CDH12: variants seen among roughly 807,000 people sequenced by gnomAD.
The protein encoded by CDH12 is cadherin-12.
CDH12 carries 41 observed loss-of-function variants against 74.1 expected under a neutral mutation model. That is an observed-to-expected ratio of 0.55 (90% CI 0.43 to 0.72). CDH12 has a LOEUF of 0.72. Among genes scored for constraint, CDH12 ranks in the 30% least tolerant of loss-of-function variants. The probability of loss-of-function intolerance (pLI) is 0.00; values close to 1 mark genes in which losing one functional copy is unlikely to be tolerated. For synonymous variants in CDH12, 399 were observed against 355.0 expected (o/e 1.12, Z -1.39); for missense variants, 945 against 977.2 (o/e 0.97, Z 0.44).
intron 5 of CDH12, among the ~76,000 whole-genome samples, chr5:22,061,628 A>G (rs930710893): frequency 1.3e-5 from 2 of 152,146 alleles, no homozygotes; most frequent in Admixed American, 6.6e-5. Context: ...ATCACCTGGT[A>G]TAATATACAA....
intron 2 of CDH12, among the ~76,000 whole-genome samples, chr5:22,444,239 T>C (rs1744732941): frequency 6.6e-6 from 1 of 152,092 alleles, no homozygotes; most frequent in African/African-American, 2.4e-5. Flanking sequence ...GCTGTGAATA[T>C]ACATGCACAC....
chr5:21,830,199 CAAAAAAAAAAAAAAAAAAAA>C (rs1055199877), intron 8 of CDH12, among the ~76,000 whole-genome samples: 2 of 25,234 alleles, frequency 7.9e-5, no homozygotes, highest in Non-Finnish European at 1.5e-4. Context: ...AACTCCTTCT[CAAAAAAAAAAAAAAAAAAAA>C]AAAAAAAAAA....
chr5:22,797,494 A>C (rs910553781), intron 1 of CDH12, among the ~76,000 whole-genome samples: 8 of 152,148 alleles, frequency 5.3e-5, no homozygotes, highest in Non-Finnish European at 1.0e-4. Flanking sequence ...GTGGCTTCTG[A>C]CTCTAGTAAC....
chr5:21,758,249 TC>T (rs1186751577), intron 13 of CDH12, among the ~76,000 whole-genome samples: 1 of 152,180 alleles, frequency 6.6e-6, no homozygotes, highest in East Asian at 1.9e-4. Context: ...GTGGTCACTC[TC>T]ATTATAAATA....
intron 8 of CDH12, among the ~76,000 whole-genome samples, chr5:21,837,317 A>C (rs1222575860): frequency 6.6e-6 from 1 of 151,442 alleles, no homozygotes; most frequent in Non-Finnish European, 1.5e-5. Flanking sequence ...TGCATGATAC[A>C]AATGCCTATG....
intron 3 of CDH12, among the ~76,000 whole-genome samples, chr5:22,377,745 A>G (rs932812771): frequency 2.6e-5 from 4 of 152,154 alleles, no homozygotes; most frequent in African/African-American, 9.6e-5. Flanking sequence ...CATTTGACAA[A>G]CAACACATGT....
chr5:22,491,383 C>A (rs1746855997), intron 2 of CDH12, among the ~76,000 whole-genome samples: 1 of 152,078 alleles, frequency 6.6e-6, no homozygotes, highest in African/African-American at 2.4e-5. Context: ...CCATGGTATG[C>A]ATATACCACG....
chr5:22,730,406 CA>C (rs1170192751), intron 1 of CDH12, among the ~76,000 whole-genome samples: 4 of 151,646 alleles, frequency 2.6e-5, no homozygotes, highest in African/African-American at 9.7e-5. Flanking sequence ...AAAATACTTT[CA>C]AAAAATATCT....
intron 5 of CDH12, among the ~76,000 whole-genome samples, chr5:22,003,959 T>G (rs1441579367): frequency 6.6e-6 from 1 of 152,158 alleles, no homozygotes; most frequent in Non-Finnish European, 1.5e-5. Flanking sequence ...TCTTCTTTTT[T>G]TGTCCCATTT....
chr5:21,882,916 C>G, intron 6 of CDH12: 5 of 1,604,378 alleles, frequency 3.1e-6, no homozygotes, highest in Non-Finnish European at 4.3e-6. Context: ...AATGAAGAAT[C>G]TGGGGATGGC....
intron 1 of CDH12, among the ~76,000 whole-genome samples, chr5:22,742,566 T>A (rs1745081722): frequency 6.6e-6 from 1 of 152,070 alleles, no homozygotes; most frequent in African/African-American, 2.4e-5. Flanking sequence ...TCTACAAAAC[T>A]TTCTCCACCA....
chr5:22,802,153 C>G (rs1268133424), intron 1 of CDH12, among the ~76,000 whole-genome samples: 10 of 148,258 alleles, frequency 6.7e-5, no homozygotes, highest in African/African-American at 2.5e-4. Context: ...ACGGAGTCTC[C>G]CTCTGTCGCC....
At chr5:22,628,245 T>C (rs367551074) in intron 1 of CDH12, among the ~76,000 whole-genome samples, 4 of 152,204 alleles carry the variant, frequency 2.6e-5, no homozygotes, top group African/African-American at 9.6e-5. Context: ...CTTGACCATA[T>C]AGACCTAACA....
chr5:22,171,113 G>T (rs114930595), intron 4 of CDH12, among the ~76,000 whole-genome samples: 2 of 151,802 alleles, frequency 1.3e-5, no homozygotes, highest in African/African-American at 4.8e-5. Flanking sequence ...GAACTTGCAT[G>T]GTCCACTGAA....
At chr5:22,496,164 A>G (rs1484686702) in intron 2 of CDH12, among the ~76,000 whole-genome samples, 11 of 152,200 alleles carry the variant, frequency 7.2e-5, no homozygotes, top group Admixed American at 4.6e-4. Context: ...GCCATTCAAC[A>G]TGAATCCTGT....
chr5:22,288,788 G>A lies in CDH12; in HGVS notation c.-332-76145C>T, dbSNP rs150002471. On this transcript the variant is annotated intron_variant, in intron 3 of 14. Coordinates refer to ENST00000382254, the MANE Select transcript of CDH12 (RefSeq NM_004061.5). ...AACAAGTATGTAAACATAATGTCTG[G>A]TATTAATAGACTTTGAATTTAAAAT... Among the ~76,000 whole-genome samples the A allele has an allele frequency of 4.0e-3, 616 of 152,184 alleles. 9 individuals are homozygous for A. The highest frequency in any genetic ancestry group is 0.014 in the African/African-American group (585 of 41,528).
At chr5:22,452,880 CAAAAAAAA>C (rs768945480) in intron 2 of CDH12, among the ~76,000 whole-genome samples, 7 of 32,202 alleles carry the variant, frequency 2.2e-4, no homozygotes, top group Middle Eastern at 0.062. Context: ...AACCTAAGAG[CAAAAAAAA>C]AAAAAAAAAA....
intron 1 of CDH12, among the ~76,000 whole-genome samples, chr5:22,617,010 G>C (rs2126834350): frequency 6.6e-6 from 1 of 152,130 alleles, no homozygotes; most frequent in Middle Eastern, 3.4e-3. Context: ...GACTAGAGGT[G>C]TGTGCCACCA....
chr5:22,594,489 T>G (rs570982556), intron 1 of CDH12, among the ~76,000 whole-genome samples: 19 of 152,258 alleles, frequency 1.2e-4, no homozygotes, highest in African/African-American at 4.6e-4. Context: ...GACCTCCCTA[T>G]ATCCTTCCTT....
Sources: gnomAD v4.1 joint callset for allele counts (sites outside exome capture counted in the v4.1 genomes callset) on GRCh38, gnomAD v4.1.1 for gene constraint, MANE v1.5 for transcripts, NCBI Gene and HGNC (gene_info 2026-07-23, HGNC 2026-07-21) for gene names.